TESK2: variants seen among roughly 807,000 people sequenced by gnomAD.
TESK2 encodes the protein testis associated actin remodelling kinase 2.
Under a neutral mutation model 57.1 loss-of-function variants are expected in TESK2, and 39 were observed. That is an observed-to-expected ratio of 0.68 (90% CI 0.53 to 0.89). The LOEUF is 0.89. TESK2 is among the 40% of genes least tolerant of loss of function. TESK2 has a pLI of 0.00. For missense variants in TESK2, 646 were observed against 732.1 expected (o/e 0.88, Z 1.36); for synonymous variants, 249 against 267.9 (o/e 0.93, Z 0.69).
chr1:45,360,264 A>T (rs1176099236), intron 4 of TESK2, among the ~76,000 whole-genome samples: 4 of 152,172 alleles, frequency 2.6e-5, no homozygotes, highest in African/African-American at 9.7e-5. Flanking sequence ...TGGGCAGTGA[A>T]GCTGACATCT....
intron 1 of TESK2, among the ~76,000 whole-genome samples, chr1:45,478,417 T>A (rs966595338): frequency 6.6e-6 from 1 of 152,232 alleles, no homozygotes; most frequent in Admixed American, 6.5e-5. Flanking sequence ...GCTCTTTTAG[T>A]TCAAGCTAAG....
At chr1:45,470,995 A>T (rs781523206) in intron 1 of TESK2, among the ~76,000 whole-genome samples, 2 of 152,174 alleles carry the variant, frequency 1.3e-5, no homozygotes, top group Non-Finnish European at 2.9e-5. Context: ...CACTTTGGGA[A>T]GCTGAGGCAG....
chr1:45,486,661 CA>C (rs1335637759), intron 1 of TESK2, among the ~76,000 whole-genome samples: 4 of 148,478 alleles, frequency 2.7e-5, no homozygotes, highest in Non-Finnish European at 5.9e-5. Flanking sequence ...GGTGACAGAG[CA>C]AGACCCCATA....
intron 2 of TESK2, among the ~76,000 whole-genome samples, chr1:45,441,089 A>G (rs2149293800): frequency 6.6e-6 from 1 of 152,346 alleles, no homozygotes; most frequent in Admixed American, 6.5e-5. Flanking sequence ...CTCTTAAACT[A>G]CAGAAAAAGA....
intron 2 of TESK2, among the ~76,000 whole-genome samples, chr1:45,451,926 A>C (rs1170642803): frequency 6.6e-6 from 1 of 151,426 alleles, no homozygotes; most frequent in Non-Finnish European, 1.5e-5. Context: ...CCAGCTACTC[A>C]GAAGGCTGAA....
intron 2 of TESK2, among the ~76,000 whole-genome samples, chr1:45,434,922 C>T (rs1445998944): frequency 6.6e-6 from 1 of 151,058 alleles, no homozygotes. Flanking sequence ...TTGCCTAGAC[C>T]AATGTCTTGA....
intron 1 of TESK2, among the ~76,000 whole-genome samples, chr1:45,483,339 T>C (rs1192874923): frequency 4.6e-5 from 7 of 151,162 alleles, no homozygotes; most frequent in Non-Finnish European, 1.0e-4. Context: ...CTCACACCTG[T>C]AATCCCAGCA....
chr1:45,477,082 A>G (rs997884347), intron 1 of TESK2, among the ~76,000 whole-genome samples: 2 of 138,094 alleles, frequency 1.4e-5, no homozygotes, highest in Non-Finnish European at 3.2e-5. Flanking sequence ...TACAAAAATT[A>G]GCCAGGCGCG....
intron 3 of TESK2, among the ~76,000 whole-genome samples, chr1:45,390,689 C>T (rs934140004): frequency 6.6e-6 from 1 of 151,146 alleles, no homozygotes; most frequent in Non-Finnish European, 1.5e-5. Flanking sequence ...AATCCTCCCA[C>T]CTCAGCCTCA....
chr1:45,410,087 C>A (rs1001746494), intron 3 of TESK2, among the ~76,000 whole-genome samples: 2 of 151,672 alleles, frequency 1.3e-5, no homozygotes, highest in African/African-American at 4.8e-5. Flanking sequence ...ACCTGGGAGG[C>A]GGAGGTTGCA....
chr1:45,414,738 G>A (rs748461894), intron 3 of TESK2, among the ~76,000 whole-genome samples: 7 of 152,092 alleles, frequency 4.6e-5, no homozygotes, highest in Admixed American at 2.6e-4. Flanking sequence ...AGCTTCATGT[G>A]GCAATTTAAA....
At chr1:45,376,213 CTTTTTTTTT>C (rs71052869) in intron 4 of TESK2, among the ~76,000 whole-genome samples, 2 of 80,682 alleles carry the variant, frequency 2.5e-5, no homozygotes, top group South Asian at 4.9e-4. Flanking sequence ...CTTTCTCTCT[CTTTTTTTTT>C]TTTTTTTTTT....
chr1:45,436,176 A>ATTTTTTTTTTTTT (rs1651205420), intron 2 of TESK2, among the ~76,000 whole-genome samples: 2 of 55,574 alleles, frequency 3.6e-5, no homozygotes, highest in Non-Finnish European at 6.6e-5. Flanking sequence ...TGACATTGGT[A>ATTTTTTTTTTTTT]TCTTCTTTTT....
At chr1:45,472,773 T>C (rs974055394) in intron 1 of TESK2, among the ~76,000 whole-genome samples, 1 of 152,018 alleles carries the variant, frequency 6.6e-6, no homozygotes, top group Non-Finnish European at 1.5e-5. Context: ...CAGTTAACAA[T>C]GTCCAGGAGG....
chr1:45,453,691 C>T (rs1203454082), intron 2 of TESK2, among the ~76,000 whole-genome samples: 2 of 152,076 alleles, frequency 1.3e-5, no homozygotes, highest in African/African-American at 2.4e-5. Context: ...ATTAATTTGA[C>T]TTAATCAGAA....
chr1:45,419,622 G>A (rs936702864), intron 3 of TESK2, among the ~76,000 whole-genome samples: 7 of 151,866 alleles, frequency 4.6e-5, no homozygotes, highest in Admixed American at 6.6e-5. Context: ...CCTGGCCAAC[G>A]TGGTAAAACC....
chr1:45,458,154 A>T (rs1652182035), intron 1 of TESK2, among the ~76,000 whole-genome samples: 1 of 152,238 alleles, frequency 6.6e-6, no homozygotes, highest in Non-Finnish European at 1.5e-5. Flanking sequence ...ACTTTCTAGG[A>T]AACATAGTAT....
At chr1:45,412,484 G>A (rs986287543) in intron 3 of TESK2, among the ~76,000 whole-genome samples, 13 of 152,298 alleles carry the variant, frequency 8.5e-5, no homozygotes, top group Admixed American at 3.3e-4. Context: ...CACAGCATTA[G>A]CTAATGCTAG....
intron 5 of TESK2, among the ~76,000 whole-genome samples, chr1:45,352,815 G>A (rs1043177103): frequency 2.6e-5 from 4 of 151,894 alleles, no homozygotes; most frequent in African/African-American, 9.7e-5. Context: ...AAAAAATGGC[G>A]CTTTCTGAGT....
Sources: gnomAD v4.1 joint callset for allele counts (sites outside exome capture counted in the v4.1 genomes callset) on GRCh38, gnomAD v4.1.1 for gene constraint, MANE v1.5 for transcripts, NCBI Gene and HGNC (gene_info 2026-07-23, HGNC 2026-07-21) for gene names.